Variants in AP2B1 observed in about 807,000 individuals in gnomAD.
AP2B1 encodes adaptor related protein complex 2 subunit beta 1, also known as AP-2 complex subunit beta.
A neutral mutation model predicts 102.0 loss-of-function variants in AP2B1; 23 were observed. The ratio of observed to expected loss-of-function variants is 0.23; its 90% CI spans 0.16 to 0.32. The LOEUF (loss-of-function observed/expected upper bound fraction) is 0.32, where lower values mean the gene tolerates loss of function less well. Among genes scored for constraint, AP2B1 ranks in the 10% least tolerant of loss-of-function variants. The pLI is 1.00. For missense variants in AP2B1, 541 were observed against 1,157.4 expected (o/e 0.47, Z 7.73); for synonymous variants, 381 against 421.2 (o/e 0.90, Z 1.17).
chr17:35,605,950 T>G (rs1236904925), intron 4 of AP2B1, 110 bp downstream of exon 4: 4 of 1,489,088 alleles, frequency 2.7e-6, no homozygotes, highest in Non-Finnish European at 3.6e-6. Flanking sequence ...ATGTTCATGT[T>G]TTAAGCATTC....
intron 18 of AP2B1, 71 bp downstream of exon 18, chr17:35,682,895 A>G (rs2075854172): frequency 2.8e-5 from 39 of 1,391,068 alleles, no homozygotes; most frequent in Non-Finnish European, 3.7e-5. Flanking sequence ...TATTATTTTT[A>G]AAGACACAGT....
In AP2B1 at chr17:35,723,862, A is replaced by G. The variant is rs587700572; in HGVS notation, c.*163A>G. ...CTAACATTAGGGCACAACCTGTTGG[A>G]TAGTTTTAGCTTCCTGTGAACATTT... On this transcript the variant is annotated 3_prime_UTR_variant, in exon 22 of 22. Coordinates refer to ENST00000610402, the MANE Select transcript of AP2B1 (RefSeq NM_001030006.2). The G allele has an allele frequency of 3.7e-6, 2 of 539,776 alleles. No homozygotes were observed. The highest frequency in any genetic ancestry group is 6.7e-6 in the Non-Finnish European group (2 of 297,296). 33.4% of individuals were successfully genotyped at this position (539,776 alleles called of 1,614,324 possible).
At chr17:35,674,618 T>C (rs1440441020) in intron 17 of AP2B1, among the ~76,000 whole-genome samples, 1 of 152,112 alleles carries the variant, frequency 6.6e-6, no homozygotes, top group African/African-American at 2.4e-5. Context: ...AGCAGGCAAA[T>C]CCCTTGAACC....
At chr17:35,696,232 C>T (rs2076139377) in intron 18 of AP2B1, among the ~76,000 whole-genome samples, 1 of 151,938 alleles carries the variant, frequency 6.6e-6, no homozygotes, top group Non-Finnish European at 1.5e-5. Flanking sequence ...TTGTCCTTGT[C>T]TGGAATGTGC....
intron 20 of AP2B1, among the ~76,000 whole-genome samples, chr17:35,716,405 C>T (rs1217633254): frequency 6.6e-6 from 1 of 152,148 alleles, no homozygotes; most frequent in African/African-American, 2.4e-5. Flanking sequence ...AGAGCCAAAA[C>T]ACCAACCCAT....
chr17:35,657,005 C>A (rs998367884), intron 13 of AP2B1, among the ~76,000 whole-genome samples: 1 of 152,160 alleles, frequency 6.6e-6, no homozygotes, highest in Non-Finnish European at 1.5e-5. Context: ...TTTTTCACCA[C>A]CCCTAAAGTC....
At chr17:35,680,694 T>TTGGG (rs760015653) in intron 17 of AP2B1, among the ~76,000 whole-genome samples, 2 of 46,930 alleles carry the variant, frequency 4.3e-5, no homozygotes, top group African/African-American at 1.9e-4. Flanking sequence ...TGGTTTTTTT[T>TTGGG]TTTTTGTTTT....
intron 9 of AP2B1, among the ~76,000 whole-genome samples, chr17:35,631,176 A>G (rs568211883): frequency 8.5e-5 from 13 of 152,254 alleles, no homozygotes; most frequent in African/African-American, 2.4e-4. Flanking sequence ...TTTCAGTTTT[A>G]AAAAGGAGAG....
intron 11 of AP2B1, among the ~76,000 whole-genome samples, chr17:35,640,243 T>TA (rs1555566392): frequency 0.63 from 92,964 of 146,622 alleles, 29,627 homozygotes; most frequent in Middle Eastern, 0.7. Context: ...TTTTTTTTTT[T>TA]TTTTTTTTTT....
chr17:35,603,223 G>T (rs750448107), intron 3 of AP2B1, among the ~76,000 whole-genome samples: 1 of 152,090 alleles, frequency 6.6e-6, no homozygotes, highest in Non-Finnish European at 1.5e-5. Context: ...TTTCCTTGTG[G>T]AAATACACCT....
intron 4 of AP2B1, among the ~76,000 whole-genome samples, chr17:35,606,404 T>C (rs920890391): frequency 6.6e-6 from 1 of 151,940 alleles, no homozygotes; most frequent in Non-Finnish European, 1.5e-5. Flanking sequence ...CATGCCCAGC[T>C]TATTTTTGTA....
At chr17:35,682,544 A>G (rs2075847107) in intron 17 of AP2B1, 151 bp from the exon 18 acceptor site, 2 of 543,806 alleles carry the variant, frequency 3.7e-6, no homozygotes, top group Admixed American at 3.2e-5. Flanking sequence ...GGGTTTCACC[A>G]TGTTGGCCAG....
intron 14 of AP2B1, among the ~76,000 whole-genome samples, chr17:35,662,190 T>C (rs2142905648): frequency 6.6e-6 from 1 of 152,318 alleles, no homozygotes; most frequent in South Asian, 2.1e-4. Context: ...AAAGCAGACA[T>C]CTTTGAATGG....
At chr17:35,685,387 A>G (rs1379771596) in intron 18 of AP2B1, among the ~76,000 whole-genome samples, 1 of 152,236 alleles carries the variant, frequency 6.6e-6, no homozygotes, top group Non-Finnish European at 1.5e-5. Flanking sequence ...AAATCAAAAC[A>G]TCATTCCAAC....
At position 35,589,519 on chromosome 17, in the gene AP2B1, G is replaced by T. The variant is rs533296399; in HGVS notation, c.-24+2091G>T. Among the ~76,000 whole-genome samples the T allele has an allele frequency of 2.6e-5, 4 of 152,336 alleles. No individual in the cohort carries two copies. In the South Asian group the frequency reaches 8.3e-4, roughly 32 times the overall value. ...TTTCTCTTTTGGGGAACTGGAGGGA[G>T]ATATAGGAGAGGAGGGACTTTGACA... On this transcript the variant is annotated intron_variant, in intron 1 of 21. Coordinates refer to ENST00000610402, the MANE Select transcript of AP2B1 (RefSeq NM_001030006.2).
intron 18 of AP2B1, 124 bp downstream of exon 18, chr17:35,682,948 G>T: frequency 2.3e-6 from 2 of 888,580 alleles, no homozygotes; most frequent in Non-Finnish European, 3.1e-6. Context: ...TGCGATCTTG[G>T]CTCACTGCAA....
intron 10 of AP2B1, among the ~76,000 whole-genome samples, chr17:35,638,527 G>A (rs552436940): frequency 6.0e-4 from 91 of 152,200 alleles, no homozygotes; most frequent in African/African-American, 2.0e-3. Context: ...GGTGGCTCAC[G>A]CCTGTAATCC....
Position 35,657,689 on chromosome 17 carries a change from G to A in AP2B1, c.1887G>A (p.Gly629=). Residue 629 remains glycine, a synonymous_variant, in exon 14 of 22, where the codon GGG becomes GGA. Transcript: ENST00000610402. ...TCCCCTCTCAAGGTGATCTTCTAGG[G>A]GATCTTTTAAACCTTGACCTCGGTC... The part of the protein sequence containing the change: ...QVIPSQGDLL[G]DLLNLDLGPP... 1.2e-6 allele frequency: 2 copies of A among 1,614,128 alleles called. No homozygotes were observed. Among genetic ancestry groups the A allele is most frequent in the Non-Finnish European group, 1.7e-6 (2 of 1,180,002 alleles).
At position 35,616,891 on chromosome 17, in the gene AP2B1, T is replaced by G. The variant is rs149678133; in HGVS notation, c.526-7506T>G. On this transcript the variant is annotated intron_variant, in intron 5 of 21. Coordinates refer to ENST00000610402, the MANE Select transcript of AP2B1 (RefSeq NM_001030006.2). ...TTTGTATCCTGGTTCTGCTATTTCT[T>G]AGACGAGTGGTGTCTCTAAATTTTA... 2.2e-3 allele frequency among the ~76,000 whole-genome samples: 338 copies of G among 152,310 alleles called. 1 individual carries two copies. The highest frequency in any genetic ancestry group is 7.9e-3 in the African/African-American group (330 of 41,572).
Sources: allele counts gnomAD v4.1 joint callset (sites outside exome capture counted in the v4.1 genomes callset), GRCh38; gene constraint gnomAD v4.1.1; transcripts MANE v1.5; gene names NCBI Gene and HGNC (gene_info 2026-07-23, HGNC 2026-07-21).